The following RXRA variants were observed in gnomAD, a reference collection of about 807,000 sequenced individuals.
RXRA encodes the protein retinoid X receptor alpha, also known as retinoic acid receptor RXR-alpha.
In RXRA, 5 loss-of-function variants were observed where a neutral mutation model predicts 44.5. That is an observed-to-expected ratio of 0.11 (90% CI 0.06 to 0.24). RXRA has a LOEUF of 0.24. Among genes scored for constraint, RXRA ranks in the 10% least tolerant of loss-of-function variants. The pLI is 1.00. For missense variants in RXRA, 412 were observed against 646.5 expected (o/e 0.64, Z 3.93); for synonymous variants, 291 against 271.4 (o/e 1.07, Z -0.71).
chr9:134,430,138 G>A (rs532417793), intron 7 of RXRA, among the ~76,000 whole-genome samples: 112 of 152,222 alleles, frequency 7.4e-4, no homozygotes, highest in African/African-American at 2.6e-3. Context: ...CGCCCACCTC[G>A]GCCTCCCAAA....
At chr9:134,341,039 C>T (rs1830079645) in intron 1 of RXRA, among the ~76,000 whole-genome samples, 1 of 152,224 alleles carries the variant, frequency 6.6e-6, no homozygotes, top group Non-Finnish European at 1.5e-5. Context: ...GGCCTCGTGC[C>T]CTCACCTCTT....
chr9:134,401,919 C>A, intron 2 of RXRA, 37 bp downstream of exon 2: 1 of 1,493,124 alleles, frequency 6.7e-7, no homozygotes, highest in Non-Finnish European at 9.0e-7. Context: ...GGGGGTGGGG[C>A]CTGGGGTGGG....
chr9:134,342,873 T>C lies in RXRA; in HGVS notation c.28+16214T>C, dbSNP rs1375660600. 1.3e-5 allele frequency among the ~76,000 whole-genome samples: 2 copies of C among 152,164 alleles called. No individual in the cohort carries two copies. Among genetic ancestry groups the C allele is most frequent in the Non-Finnish European group, 2.9e-5 (2 of 68,006 alleles). On this transcript the variant is annotated intron_variant, in intron 1 of 9. Coordinates refer to ENST00000481739, the MANE Select transcript of RXRA (RefSeq NM_002957.6). The surrounding 1 kb of genome is among the most constrained non-coding windows in gnomAD (Gnocchi z 4.4). ...TGGCCCTGCCACCACCACAGTGACCTTCCCTTTGTATGTGAGTGATGTGGG... is the reference window on the plus strand; with the variant it reads ...TGGCCCTGCCACCACCACAGTGACCCTCCCTTTGTATGTGAGTGATGTGGG...
rs1830107652 is a variant in RXRA at position 134,343,171 on chromosome 9, C to T, written c.28+16512C>T. ...TTCAGGGCCCCACACAGACCTTTTA[C>T]ATGCTGTGTGACCTGGGGCAGCGTG... On this transcript the variant is annotated intron_variant, in intron 1 of 9. Transcript: ENST00000481739. The surrounding 1 kb of genome is among the most constrained non-coding windows in gnomAD (Gnocchi z 4.1). 6.6e-6 allele frequency among the ~76,000 whole-genome samples: 1 copy of T among 152,174 alleles called. No individual in the cohort carries two copies. The highest frequency in any genetic ancestry group is 1.5e-5 in the Non-Finnish European group (1 of 68,016).
At chr9:134,382,443 C>A (rs1047520229) in intron 1 of RXRA, among the ~76,000 whole-genome samples, 1 of 152,094 alleles carries the variant, frequency 6.6e-6, no homozygotes, top group Non-Finnish European at 1.5e-5. Context: ...GGGGCCAGGG[C>A]AGCTGGTAGG....
rs551239499 is a variant in RXRA at position 134,331,645 on chromosome 9, C to G, written c.28+4986C>G. 9.2e-5 allele frequency among the ~76,000 whole-genome samples: 14 copies of G among 152,394 alleles called. No individual in the cohort carries two copies. In the South Asian group the frequency reaches 1.7e-3, roughly 18 times the overall value. ...AGGTGCCGATGGCTGCAGCGGGTGCCTGCTGCGTGCCAGGGACTTTATTTT... is the reference window on the plus strand; with the variant it reads ...AGGTGCCGATGGCTGCAGCGGGTGCGTGCTGCGTGCCAGGGACTTTATTTT... On this transcript the variant is annotated intron_variant, in intron 1 of 9. Transcript: ENST00000481739.
intron 1 of RXRA, among the ~76,000 whole-genome samples, chr9:134,395,519 G>A (rs904331569): frequency 6.6e-6 from 1 of 152,222 alleles, no homozygotes; most frequent in African/African-American, 2.4e-5. Flanking sequence ...GCAGTTGCGG[G>A]CTGCAGTGAA....
intron 1 of RXRA, among the ~76,000 whole-genome samples, chr9:134,340,297 G>T (rs1245580624): frequency 6.6e-6 from 1 of 152,222 alleles, no homozygotes; most frequent in Non-Finnish European, 1.5e-5. Context: ...GCTGTAGGGG[G>T]CTGTGGAGGG....
chr9:134,380,231 C>G (rs1830622606), intron 1 of RXRA: 1 of 975,044 alleles, frequency 1.0e-6, no homozygotes, highest in African/African-American at 1.8e-5. Flanking sequence ...GTGAGTCACG[C>G]CGATCCCAGG....
intron 1 of RXRA, among the ~76,000 whole-genome samples, chr9:134,348,740 C>T (rs184859821): frequency 1.9e-3 from 294 of 152,348 alleles, no homozygotes; most frequent in Non-Finnish European, 3.0e-3. Flanking sequence ...AAAGGCATCA[C>T]GTGTCCGCCA....
chr9:134,370,370 C>A (rs1270359592), intron 1 of RXRA, among the ~76,000 whole-genome samples: 1 of 152,190 alleles, frequency 6.6e-6, no homozygotes, highest in Middle Eastern at 3.2e-3. Flanking sequence ...GCCTCCCTGC[C>A]CGGCTGGTTC....
At chr9:134,328,770 G>A (rs1280032397) in intron 1 of RXRA, among the ~76,000 whole-genome samples, 1 of 152,288 alleles carries the variant, frequency 6.6e-6, no homozygotes, top group East Asian at 1.9e-4. Flanking sequence ...AGCTGCTGGG[G>A]AGACTCGGCC....
intron 6 of RXRA, chr9:134,423,918 G>A (rs914487196): frequency 7.6e-5 from 74 of 979,168 alleles, no homozygotes; most frequent in Non-Finnish European, 8.5e-5. Context: ...ACAGCTGGCC[G>A]CACGCAGCTC....
At chr9:134,409,165 C>G (rs1291704859) in intron 4 of RXRA, 46 bp downstream of exon 4, 19 of 1,488,834 alleles carry the variant, frequency 1.3e-5, no homozygotes, top group Non-Finnish European at 1.6e-5. Flanking sequence ...GTTGGACAAA[C>G]AGTGGGGCCC....
chr9:134,397,072 G>A (rs1454638644), intron 1 of RXRA, among the ~76,000 whole-genome samples: 1 of 152,242 alleles, frequency 6.6e-6, no homozygotes, highest in East Asian at 1.9e-4. Context: ...GGGTTCCCCA[G>A]GCTTCCTGCT....
At chr9:134,368,762 GTGAC>G (rs1255473870) in intron 1 of RXRA, among the ~76,000 whole-genome samples, 6 of 122,548 alleles carry the variant, frequency 4.9e-5, no homozygotes, top group South Asian at 4.6e-4. Flanking sequence ...GGATGTGTGT[GTGAC>G]TGTGAGTGTG....
intron 2 of RXRA, among the ~76,000 whole-genome samples, chr9:134,406,910 C>T (rs1380392091): frequency 6.6e-6 from 1 of 152,222 alleles, no homozygotes; most frequent in African/African-American, 2.4e-5. Flanking sequence ...CTGAGAAGCG[C>T]ACCTGCTGCC....
chr9:134,408,144 C>T lies in RXRA; in HGVS notation c.280-5C>T, dbSNP rs374813229. The T allele has an allele frequency of 7.1e-6, 11 of 1,546,880 alleles. No homozygotes were observed. The highest frequency in any genetic ancestry group is 2.3e-5 in the East Asian group (1 of 43,252). ...CCCGCTGACTGCTGTGGTTGCCCCC[C>T]CCAGCTCAGCTCACCTATGAACCCC... On this transcript the variant is annotated splice_polypyrimidine_tract_variant and splice_region_variant and intron_variant, in intron 2 of 9. Transcript: ENST00000481739.
chr9:134,357,799 G>A (rs1327085702), intron 1 of RXRA, among the ~76,000 whole-genome samples: 1 of 152,240 alleles, frequency 6.6e-6, no homozygotes, highest in Non-Finnish European at 1.5e-5. Context: ...AGAAAATTAT[G>A]TGTAAATCAC....
Sources: gnomAD v4.1 joint callset for allele counts (sites outside exome capture counted in the v4.1 genomes callset) on GRCh38, gnomAD v4.1.1 for gene constraint, Gnocchi (gnomAD v3.1) non-coding constraint, MANE v1.5 for transcripts, NCBI Gene and HGNC (gene_info 2026-07-23, HGNC 2026-07-21) for gene names.